SPATA6: variants seen among roughly 807,000 people sequenced by gnomAD.
SPATA6 encodes spermatogenesis-associated protein 6.
Under a neutral mutation model 65.3 loss-of-function variants are expected in SPATA6, and 56 were observed. The ratio of observed to expected loss-of-function variants is 0.86; its 90% CI spans 0.69 to 1.07. SPATA6 has a LOEUF of 1.07. Ranked by LOEUF, SPATA6 falls within the 50% of genes least tolerant of loss-of-function variation. The pLI, the probability that SPATA6 is intolerant of heterozygous loss-of-function variation, is 0.00. For synonymous variants in SPATA6, 199 were observed against 213.2 expected, an observed-to-expected ratio of 0.93 and a Z score of 0.58; for missense variants, 590 against 594.8, an observed-to-expected ratio of 0.99 and a Z score of 0.08.
chr1:48,399,698 G>T, intron 6 of SPATA6, 54 bp from the exon 7 acceptor site: 5 of 1,459,168 alleles, frequency 3.4e-6, no homozygotes, highest in East Asian at 2.4e-5. Flanking sequence ...TAAAATTCCT[G>T]TTGGTGGGGA....
At chr1:48,313,592 G>A (rs1238908350) in intron 11 of SPATA6, among the ~76,000 whole-genome samples, 2 of 152,062 alleles carry the variant, frequency 1.3e-5, no homozygotes, top group African/African-American at 2.4e-5. Flanking sequence ...GCAAAAACAT[G>A]CCAAATTGTA....
In SPATA6 at chr1:48,429,133, C is replaced by CA. The variant is rs796484656; in HGVS notation, c.239-15983dup. Among the ~76,000 whole-genome samples, 373 of 132,782 alleles carry CA rather than the reference C, an allele frequency of 2.8e-3. 3 individuals carry two copies. The highest frequency in any genetic ancestry group is 3.9e-3 in the Middle Eastern group (1 of 258). 87.1% of individuals were successfully genotyped at this position (132,782 alleles called of 152,430 possible). ...CTGCACACAGGTTTGCCAGGATGGGCAAAAAAAAAAAAATCCTGTCCTCCA... is the reference window on the plus strand; with the variant it reads ...CTGCACACAGGTTTGCCAGGATGGGCAAAAAAAAAAAAAATCCTGTCCTCCA... On this transcript the variant is annotated intron_variant, in intron 3 of 12. Transcript: ENST00000371847.
chr1:48,373,440 C>T (rs1346312582), intron 9 of SPATA6, among the ~76,000 whole-genome samples: 1 of 152,210 alleles, frequency 6.6e-6, no homozygotes, highest in Non-Finnish European at 1.5e-5. Flanking sequence ...TTTGCCAAAG[C>T]CATTCAACAA....
the SPATA6 span, among the ~76,000 whole-genome samples, chr1:48,265,237 C>T: frequency 0.038 from 5,798 of 151,792 alleles, 360 homozygotes; most frequent in African/African-American, 0.13. Context: ...GTGAGAGATC[C>T]GGATACATCT....
intron 3 of SPATA6, among the ~76,000 whole-genome samples, chr1:48,444,102 T>A (rs1655778009): frequency 6.6e-6 from 1 of 152,136 alleles, no homozygotes; most frequent in South Asian, 2.1e-4. Flanking sequence ...GACTGAGAGG[T>A]GAAGCCAGCT....
chr1:48,444,453 G>A (rs1655818889), intron 3 of SPATA6, among the ~76,000 whole-genome samples: 2 of 152,032 alleles, frequency 1.3e-5, no homozygotes, highest in African/African-American at 4.8e-5. Flanking sequence ...CTAAAGGACT[G>A]TAAATGCACC....
chr1:48,320,471 A>G (rs1035247330), intron 11 of SPATA6, among the ~76,000 whole-genome samples: 9 of 152,248 alleles, frequency 5.9e-5, no homozygotes, highest in African/African-American at 2.2e-4. Context: ...ATGTATTTAA[A>G]GTGCTGAAGG....
chr1:48,341,955 G>A (rs1360873671), intron 11 of SPATA6, among the ~76,000 whole-genome samples: 1 of 152,182 alleles, frequency 6.6e-6, no homozygotes, highest in Non-Finnish European at 1.5e-5. Flanking sequence ...GGACTACTGT[G>A]TACATGTTCA....
intron 11 of SPATA6, among the ~76,000 whole-genome samples, chr1:48,343,980 T>C (rs905030412): frequency 8.6e-5 from 13 of 151,874 alleles, no homozygotes; most frequent in African/African-American, 3.1e-4. Context: ...ATAAAGAATA[T>C]AGAACAGGTA....
chr1:48,375,835 GA>G (rs1191211747), intron 9 of SPATA6, among the ~76,000 whole-genome samples: 5 of 152,064 alleles, frequency 3.3e-5, no homozygotes, highest in Non-Finnish European at 7.4e-5. Flanking sequence ...GGATATTTTA[GA>G]CTTGCAATGG....
At chr1:48,322,257 T>C (rs905967323) in intron 11 of SPATA6, among the ~76,000 whole-genome samples, 4 of 151,956 alleles carry the variant, frequency 2.6e-5, no homozygotes, top group African/African-American at 9.7e-5. Flanking sequence ...GCCTCAGAAA[T>C]ACCACCACAT....
In SPATA6 at chr1:48,331,597, C is replaced by T. The variant is rs148354057; in HGVS notation, c.1194+24073G>A. 7.2e-5 allele frequency among the ~76,000 whole-genome samples: 11 copies of T among 152,214 alleles called. No individual in the cohort carries two copies. In the South Asian group the frequency reaches 1.0e-3, roughly 14 times the overall value. ...ATGTAAAGATGCCCAATCTACAAGT[C>T]ACTGGCATCCCTGAAAGACATGAGG... is the stretch of plus-strand genomic sequence containing the variant. On this transcript the variant is annotated intron_variant, in intron 11 of 12. Transcript: ENST00000371847.
At chr1:48,452,940 T>C (rs1292731159) in intron 2 of SPATA6, 54 bp downstream of exon 2, 1 of 1,572,888 alleles carries the variant, frequency 6.4e-7, no homozygotes, top group African/African-American at 1.4e-5. Context: ...ATTCAAAAAT[T>C]GGAACCACTT....
At chr1:48,308,843 C>A (rs1608695) in intron 11 of SPATA6, among the ~76,000 whole-genome samples, 48,132 of 151,886 alleles carry the variant, frequency 0.32, 9,085 homozygotes, top group Middle Eastern at 0.45. Flanking sequence ...AATTCCTTCT[C>A]CCTTGCTGCT....
intron 9 of SPATA6, among the ~76,000 whole-genome samples, chr1:48,370,207 C>T (rs1647193794): frequency 6.6e-6 from 1 of 152,162 alleles, no homozygotes; most frequent in African/African-American, 2.4e-5. Context: ...TGCCTAGTAT[C>T]ACACACTATT....
intron 2 of SPATA6, 133 bp from the exon 3 acceptor site, chr1:48,451,733 C>A: frequency 1.4e-6 from 1 of 717,880 alleles, no homozygotes; most frequent in South Asian, 2.4e-5. Context: ...TTCCTCTCTC[C>A]TTCCCATCAC....
intron 8 of SPATA6, among the ~76,000 whole-genome samples, chr1:48,387,459 C>G (rs1649595951): frequency 2.0e-5 from 3 of 152,206 alleles, no homozygotes; most frequent in Admixed American, 1.3e-4. Context: ...GGTATACATG[C>G]TCCCCACCTG....
At chr1:48,315,262 C>T (rs1032556766) in intron 11 of SPATA6, among the ~76,000 whole-genome samples, 2 of 152,172 alleles carry the variant, frequency 1.3e-5, no homozygotes, top group East Asian at 1.9e-4. Flanking sequence ...AGACCAATAT[C>T]CCTGATGAAC....
At chr1:48,440,497 C>T (rs1388832855) in intron 3 of SPATA6, among the ~76,000 whole-genome samples, 1 of 152,168 alleles carries the variant, frequency 6.6e-6, no homozygotes, top group Non-Finnish European at 1.5e-5. Flanking sequence ...AAATTCCCTA[C>T]CAGTCAGCAA....
Sources: allele counts gnomAD v4.1 joint callset (sites outside exome capture counted in the v4.1 genomes callset), GRCh38; gene constraint gnomAD v4.1.1; transcripts MANE v1.5; gene names NCBI Gene and HGNC (gene_info 2026-07-23, HGNC 2026-07-21).